AP1S3: variants seen among roughly 807,000 people sequenced by gnomAD.
AP1S3 encodes the protein AP-1 complex subunit sigma-3.
A neutral mutation model predicts 20.9 loss-of-function variants in AP1S3; 10 were observed. The observed-to-expected ratio is 0.48, with a 90% confidence interval of 0.29 to 0.81. The LOEUF (loss-of-function observed/expected upper bound fraction) is 0.81, where lower values mean the gene tolerates loss of function less well. Ranked by LOEUF, AP1S3 falls within the 30% of genes least tolerant of loss-of-function variation. The pLI is 0.08. For missense variants in AP1S3, 154 were observed against 183.8 expected (o/e 0.84, Z 0.94); for synonymous variants, 41 against 61.5 (o/e 0.67, Z 1.56).
intron 1 of AP1S3, among the ~76,000 whole-genome samples, chr2:223,794,890 T>C (rs538448562): frequency 3.3e-4 from 51 of 152,322 alleles, no homozygotes; most frequent in African/African-American, 9.1e-4. Context: ...CAGCATGGCA[T>C]ATTCACCTTC....
chr2:223,779,410 TA>T lies in AP1S3; in HGVS notation c.4-1542del, dbSNP rs1339049704. ...TTAAAGGCTCTGTTAGAATGTTTTT[TA>T]AAAAAGAAATTTTTAAAAACCTTGA... On this transcript the variant is annotated intron_variant, in intron 1 of 4. Coordinates refer to ENST00000396654, the MANE Select transcript of AP1S3 (RefSeq NM_001039569.2). Among the ~76,000 whole-genome samples, 4 of 152,142 alleles carry T rather than the reference TA, an allele frequency of 2.6e-5. No homozygotes were observed. In the East Asian group the frequency reaches 5.8e-4, roughly 22 times the overall value.
chr2:223,834,057 C>T (rs1228671959), intron 1 of AP1S3, among the ~76,000 whole-genome samples: 4 of 152,044 alleles, frequency 2.6e-5, no homozygotes, highest in Admixed American at 6.6e-5. Flanking sequence ...TATAGGCATG[C>T]GCCACCACAC....
At chr2:223,821,083 C>T (rs994973073) in intron 1 of AP1S3, among the ~76,000 whole-genome samples, 2 of 152,214 alleles carry the variant, frequency 1.3e-5, no homozygotes, top group African/African-American at 4.8e-5. Flanking sequence ...CCAAGCTGCT[C>T]TAGGTATGGA....
intron 1 of AP1S3, among the ~76,000 whole-genome samples, chr2:223,807,500 T>C (rs1209533037): frequency 6.6e-6 from 1 of 152,176 alleles, no homozygotes; most frequent in African/African-American, 2.4e-5. Flanking sequence ...TTTGGATCTG[T>C]GTCCCCACCC....
intron 3 of AP1S3, among the ~76,000 whole-genome samples, chr2:223,769,635 A>G (rs1366190111): frequency 6.6e-6 from 1 of 150,984 alleles, no homozygotes; most frequent in African/African-American, 2.4e-5. Flanking sequence ...GCTGAAAAGA[A>G]TAAGGTAGAT....
At chr2:223,773,227 C>G (rs1690675324) in intron 3 of AP1S3, 1 of 1,219,642 alleles carries the variant, frequency 8.2e-7, no homozygotes, top group African/African-American at 1.6e-5. Context: ...CACATTATCA[C>G]AGTTGGTTTA....
At chr2:223,792,293 CA>C (rs58919643) in intron 1 of AP1S3, among the ~76,000 whole-genome samples, 3,052 of 152,188 alleles carry the variant, frequency 0.02, 103 homozygotes, top group African/African-American at 0.069. Context: ...AACTATGCTA[CA>C]AGGCTATAAT....
At chr2:223,794,517 T>C (rs1296527733) in intron 1 of AP1S3, among the ~76,000 whole-genome samples, 2 of 152,164 alleles carry the variant, frequency 1.3e-5, no homozygotes, top group Non-Finnish European at 1.5e-5. Flanking sequence ...AACTAGCACT[T>C]GTATTTGCCA....
intron 1 of AP1S3, among the ~76,000 whole-genome samples, chr2:223,805,779 G>C (rs1691564677): frequency 6.6e-6 from 1 of 151,970 alleles, no homozygotes; most frequent in East Asian, 1.9e-4. Context: ...TTTTCCTTTT[G>C]CTTTATTCTT....
intron 3 of AP1S3, among the ~76,000 whole-genome samples, chr2:223,775,464 T>C (rs1690760877): frequency 6.6e-6 from 1 of 152,100 alleles, no homozygotes; most frequent in African/African-American, 2.4e-5. Flanking sequence ...TATCAAGAAA[T>C]CCTTCACAGT....
intron 1 of AP1S3, among the ~76,000 whole-genome samples, chr2:223,789,669 T>G (rs1271815345): frequency 7.2e-6 from 1 of 137,954 alleles, no homozygotes; most frequent in Admixed American, 7.6e-5. Flanking sequence ...GACAAAACCC[T>G]GTCTCAAAAA....
At chr2:223,824,522 A>G (rs4674822) in intron 1 of AP1S3, among the ~76,000 whole-genome samples, 74,432 of 151,614 alleles carry the variant, frequency 0.49, 18,321 homozygotes, top group Middle Eastern at 0.57. Flanking sequence ...CTTTTGACTC[A>G]TTTCTCCAAA....
chr2:223,825,691 T>C (rs1692111568), intron 1 of AP1S3, among the ~76,000 whole-genome samples: 1 of 151,974 alleles, frequency 6.6e-6, no homozygotes, highest in African/African-American at 2.4e-5. Flanking sequence ...TGTGGGGTTT[T>C]TTTTCCTATT....
rs1321123451 is a variant in AP1S3 at position 223,758,686 on chromosome 2, A to G, written c.*29T>C. 6.3e-7 allele frequency: 1 copy of G among 1,580,116 alleles called. No homozygotes were observed. The highest frequency in any genetic ancestry group is 1.8e-5 in the Admixed American group (1 of 55,894). On this transcript the variant is annotated 3_prime_UTR_variant, in exon 5 of 5. Transcript: ENST00000396654. ...GCTTATTTACAGCTTCATAACATGT[A>G]GTGCTGGAGTCTTCAAGTAGATTTC...
At chr2:223,827,761 T>C (rs1692166433) in intron 1 of AP1S3, among the ~76,000 whole-genome samples, 1 of 119,438 alleles carries the variant, frequency 8.4e-6, no homozygotes, top group Admixed American at 9.7e-5. Context: ...CATTAGCTTT[T>C]CCCATTTCTC....
At chr2:223,800,981 C>T (rs1282587360) in intron 1 of AP1S3, among the ~76,000 whole-genome samples, 3 of 152,182 alleles carry the variant, frequency 2.0e-5, no homozygotes, top group Non-Finnish European at 4.4e-5. Flanking sequence ...CAGCCCAAGG[C>T]TATTTGCACT....
chr2:223,773,298 C>T (rs780869379), intron 3 of AP1S3: 197 of 1,302,988 alleles, frequency 1.5e-4, no homozygotes, highest in Non-Finnish European at 1.9e-4. Flanking sequence ...AGGCAGGTTA[C>T]GGGAATGCCC....
At position 223,837,489 on chromosome 2, in the gene AP1S3, G is replaced by A; in HGVS notation, c.-39C>T. On this transcript the variant is annotated 5_prime_UTR_variant, in exon 1 of 5. Transcript: ENST00000396654. The stretch of plus-strand genomic sequence containing the variant: ...CCGCCTCCCCCGCCTTGCGAGCAAG[G>A]AGCGCTGGAGAAGCGAGGGCGAGAG... The A allele has an allele frequency of 7.8e-7, 1 of 1,274,188 alleles. No homozygotes were observed. The highest frequency in any genetic ancestry group is 9.9e-7 in the Non-Finnish European group (1 of 1,006,502). 78.9% of individuals were successfully genotyped at this position (1,274,188 alleles called of 1,614,324 possible). A position where few individuals can be genotyped will look rare whatever the true frequency, so the allele number is the denominator to read the frequency against.
At chr2:223,782,082 G>A (rs1401807813) in intron 1 of AP1S3, among the ~76,000 whole-genome samples, 1 of 150,452 alleles carries the variant, frequency 6.6e-6, no homozygotes, top group Non-Finnish European at 1.5e-5. Context: ...CGCCATCTTG[G>A]CTTACTGCAA....
Sources: gnomAD v4.1 joint callset for allele counts (sites outside exome capture counted in the v4.1 genomes callset) on GRCh38, gnomAD v4.1.1 for gene constraint, MANE v1.5 for transcripts, NCBI Gene and HGNC (gene_info 2026-07-23, HGNC 2026-07-21) for gene names.